EARS2: variants seen among roughly 807,000 people sequenced by gnomAD.
EARS2 encodes nondiscriminating glutamyl-tRNA synthetase EARS2, mitochondrial.
A neutral mutation model predicts 54.1 loss-of-function variants in EARS2; 50 were observed. That is an observed-to-expected ratio of 0.92 (90% CI 0.74 to 1.17). The LOEUF (loss-of-function observed/expected upper bound fraction) is 1.17. EARS2 is among the 50% of genes most tolerant of loss of function. The pLI is 0.00. For synonymous variants in EARS2, 298 were observed against 281.0 expected, an observed-to-expected ratio of 1.06 and a Z score of -0.61; for missense variants, 673 against 675.0, an observed-to-expected ratio of 1.00 and a Z score of 0.03.
At chr16:23,539,532 C>T (rs910077970) in intron 3 of EARS2, among the ~76,000 whole-genome samples, 3 of 152,114 alleles carry the variant, frequency 2.0e-5, no homozygotes, top group Admixed American at 6.6e-5. Context: ...CAAAAAATAA[C>T]GACTTAGATA....
At chr16:23,541,998 A>G (rs113131369) in intron 3 of EARS2, among the ~76,000 whole-genome samples, 2,233 of 152,104 alleles carry the variant, frequency 0.015, 23 homozygotes, top group South Asian at 0.02. Flanking sequence ...AGCTGGGATT[A>G]TAGGCACCCG....
chr16:23,531,032 C>T (rs1175587001), intron 5 of EARS2, among the ~76,000 whole-genome samples: 2 of 151,504 alleles, frequency 1.3e-5, no homozygotes, highest in East Asian at 2.0e-4. Context: ...GCTGAGACTA[C>T]AGGCGCCCGC....
At position 23,532,780 on chromosome 16, in the gene EARS2, G is replaced by A. The variant is rs554499460; in HGVS notation, c.959-15C>T. ...CATTTGGTTCTCTGCAAAGAAGAGA[G>A]GCCCAGCCACTCAGCTTCCTCTCTC... On this transcript the variant is annotated splice_polypyrimidine_tract_variant and intron_variant, in intron 4 of 8. Coordinates refer to ENST00000449606, the MANE Select transcript of EARS2 (RefSeq NM_001083614.2). 331 of 1,587,334 alleles carry A rather than the reference G, an allele frequency of 2.1e-4. 4 individuals carry two copies. In the South Asian group the frequency reaches 3.4e-3, roughly 16 times the overall value.
chr16:23,540,865 C>T (rs1567385201), intron 3 of EARS2, among the ~76,000 whole-genome samples: 1 of 152,144 alleles, frequency 6.6e-6, no homozygotes, highest in Non-Finnish European at 1.5e-5. Flanking sequence ...GTGGCATGCA[C>T]CTCTAGTCCC....
chr16:23,546,303 G>A, intron 2 of EARS2: 1 of 431,598 alleles, frequency 2.3e-6, no homozygotes, highest in Admixed American at 2.6e-5. Flanking sequence ...AAAGGAATTG[G>A]GAAGATAAGG....
At chr16:23,533,773 A>G (rs1965365327) in intron 4 of EARS2, among the ~76,000 whole-genome samples, 1 of 152,062 alleles carries the variant, frequency 6.6e-6, no homozygotes, top group African/African-American at 2.4e-5. Flanking sequence ...GTTAAGAACC[A>G]GGCCAGGCAC....
At chr16:23,540,823 A>G (rs529916759) in intron 3 of EARS2, among the ~76,000 whole-genome samples, 166 of 152,092 alleles carry the variant, frequency 1.1e-3, no homozygotes, top group Non-Finnish European at 2.1e-3. Context: ...TCTCTACTAA[A>G]ATATAAAAGA....
rs397514593 is a variant in EARS2 at position 23,552,158 on chromosome 16, C to T, written c.286G>A (p.Glu96Lys). 4 of 1,613,844 alleles carry T rather than the reference C, an allele frequency of 2.5e-6. No individual in the cohort carries two copies. Among genetic ancestry groups the T allele is most frequent in the Admixed American group, 1.7e-5 (1 of 60,004 alleles). The change falls in exon 2 of 9, where the codon GAG (glutamate) becomes AAG (lysine). Residue 96 changes from glutamate (E) to lysine (K), a missense_variant. Around this residue, in one of 3 missense-constraint regions of EARS2, gnomAD observed 316 missense variants for 275.2 expected, o/e 1.15. Transcript: ENST00000449606. ...TCTCTGCCAGGCTTACCTGCCCACTCCAGCATGTCCTCAATATTCTCCGCT... is the reference window on the plus strand; with the variant it reads ...TCTCTGCCAGGCTTACCTGCCCACTTCAGCATGTCCTCAATATTCTCCGCT... ...GAAENIEDML[E>K]WAGIPPDESP...
chr16:23,535,070 A>G lies in EARS2; in HGVS notation c.776T>C (p.Leu259Pro). 1.2e-6 allele frequency: 2 copies of G among 1,605,428 alleles called. No homozygotes were observed. The highest frequency in any genetic ancestry group is 1.7e-6 in the Non-Finnish European group (2 of 1,176,776). The change falls in exon 4 of 9, where the codon CTC becomes CCC. Residue 259 changes from leucine (L) to proline (P), a missense_variant. Leu to Pro is a moderately conservative substitution (Grantham distance 98). Around this residue, in one of 3 missense-constraint regions of EARS2, gnomAD observed 338 missense variants for 361.2 expected, o/e 0.94. Coordinates refer to ENST00000449606, the MANE Select transcript of EARS2 (RefSeq NM_001083614.2). Reference sequence around the variant, plus strand: ...CTGCCAGCCCAGGGCCTGGTAGAGGAGCAGGTGCTTGGCAGTGGAGACGAG... The same window carrying G: ...CTGCCAGCCCAGGGCCTGGTAGAGGGGCAGGTGCTTGGCAGTGGAGACGAG... ...EWLVSTAKHL[L>P]LYQALGWQPP...
At position 23,521,745 on chromosome 16, in the gene EARS2, C is replaced by T. The variant is rs1406276251; in HGVS notation, c.*2626G>A. 1 of 449,836 alleles carries T rather than the reference C, an allele frequency of 2.2e-6. No individual in the cohort carries two copies. Among genetic ancestry groups the T allele is most frequent in the Non-Finnish European group, 4.4e-6 (1 of 225,440 alleles). 27.9% of individuals were successfully genotyped at this position (449,836 alleles called of 1,614,324 possible). ...AGGTTCATCCATGTTGTAGATATAC[C>T]AGAATCGACTTAGTATTTTGACCAC... On this transcript the variant is annotated 3_prime_UTR_variant, in exon 9 of 9. Transcript: ENST00000449606.
Position 23,552,234 on chromosome 16 carries a change from G to A in EARS2, c.210C>T (p.Ser70=). 1 of 1,614,190 alleles carries A rather than the reference G, an allele frequency of 6.2e-7. No individual in the cohort carries two copies. The highest frequency in any genetic ancestry group is 8.5e-7 in the Non-Finnish European group (1 of 1,180,022). The change falls in exon 2 of 9, where the codon AGC becomes AGT. Residue 70 remains serine (S), a synonymous_variant. Coordinates refer to ENST00000449606, the MANE Select transcript of EARS2 (RefSeq NM_001083614.2). ...NYIFAKKYQG[S]FILRLEDTDQ... ...CTGTGTCCTCTAGCCTCAGGATGAA[G>A]CTCCCCTGGTACTTCTTAGCAAAGA...
chr16:23,544,806 A>G (rs1299220148), intron 2 of EARS2, 103 bp from the exon 3 acceptor site: 7 of 1,084,504 alleles, frequency 6.5e-6, no homozygotes, highest in African/African-American at 1.6e-5. Flanking sequence ...TCCTCATAAC[A>G]ATCCATGAGG....
At position 23,529,355 on chromosome 16, in the gene EARS2, C is replaced by T. The variant is rs562554328; in HGVS notation, c.1352+147G>A. ...GGGTTCTCCGGGTAAGCCCTCCTCA[C>T]CAGCGAAAGCCAGTGAAGGGTCACT... On this transcript the variant is annotated intron_variant, in intron 7 of 8. Coordinates refer to ENST00000449606, the MANE Select transcript of EARS2 (RefSeq NM_001083614.2). 6.4e-6 allele frequency: 7 copies of T among 1,095,206 alleles called. No homozygotes were observed. In the Admixed American group the frequency reaches 1.4e-4, roughly 22 times the overall value. The allele number at this position is 1,095,206 out of a possible 1,614,324, so 67.8% of individuals were successfully genotyped here. A position where few individuals can be genotyped will look rare whatever the true frequency, so the allele number is the denominator to read the frequency against.
intron 1 of EARS2, chr16:23,556,854 A>C: frequency 1.5e-5 from 8 of 540,490 alleles, no homozygotes; most frequent in Non-Finnish European, 2.5e-5. Context: ...TGCGGCAGCC[A>C]CTAGAATGCA....
intron 3 of EARS2, among the ~76,000 whole-genome samples, chr16:23,543,380 C>T (rs1165030007): frequency 6.6e-6 from 1 of 151,492 alleles, no homozygotes; most frequent in African/African-American, 2.4e-5. Flanking sequence ...CCATTGCACT[C>T]CAGCCTGGGT....
chr16:23,557,345 T>G lies in EARS2; in HGVS notation c.-2A>C. The G allele has an allele frequency of 6.5e-7, 1 of 1,542,864 alleles. No individual in the cohort carries two copies. The highest frequency in any genetic ancestry group is 8.7e-7 in the Non-Finnish European group (1 of 1,150,502). The stretch of plus-strand genomic sequence containing the variant: ...CAGTCTCCTCAGGAGCGCCGCCATG[T>G]GGGATGGAATAGCACACGTGGGCTT... On this transcript the variant is annotated 5_prime_UTR_variant, in exon 1 of 9. Transcript: ENST00000449606.
intron 1 of EARS2, among the ~76,000 whole-genome samples, chr16:23,554,228 C>T (rs1294284132): frequency 6.6e-6 from 1 of 151,970 alleles, no homozygotes; most frequent in East Asian, 1.9e-4. Flanking sequence ...CTATGTTGCC[C>T]AGGCTGGTCT....
intron 7 of EARS2, among the ~76,000 whole-genome samples, chr16:23,526,357 T>C (rs7405243): frequency 0.87 from 131,667 of 152,120 alleles, 57,264 homozygotes; most frequent in African/African-American, 0.93. Flanking sequence ...GGTGATCCAC[T>C]CACCTTGGCC....
At position 23,526,002 on chromosome 16, in the gene EARS2, T is replaced by TAA. The variant is rs141107728; in HGVS notation, c.1353-625_1353-624dup. Among the ~76,000 whole-genome samples the TAA allele has an allele frequency of 2.3e-3, 334 of 142,374 alleles. 4 individuals are homozygous for TAA. The South Asian group carries it at 0.032, about 14-fold the overall frequency. 93.4% of individuals were successfully genotyped at this position (142,374 alleles called of 152,430 possible). On this transcript the variant is annotated intron_variant, in intron 7 of 8. Transcript: ENST00000449606. ...GACAGAGCGAGACTTTGTTTCAAAA[T>TAA]AAAAAAAAAAAAATAATAGTATCTG...
Sources: allele counts gnomAD v4.1 joint callset (sites outside exome capture counted in the v4.1 genomes callset), GRCh38; gene constraint gnomAD v4.1.1; regional missense constraint gnomAD v4.1.1; transcripts MANE v1.5; gene names NCBI Gene and HGNC (gene_info 2026-07-23, HGNC 2026-07-21).